Variants in WWOX observed in about 807,000 individuals in gnomAD.
WWOX encodes the protein WW domain-containing oxidoreductase.
In WWOX, 69 loss-of-function variants were observed where a neutral mutation model predicts 46.2. That is an observed-to-expected ratio of 1.49 (90% CI 1.23 to 1.82). The LOEUF (loss-of-function observed/expected upper bound fraction) is 1.82, where lower values mean the gene tolerates loss of function less well. Ranked by LOEUF, WWOX falls within the 40% of genes most tolerant of loss-of-function variation. The probability of loss-of-function intolerance (pLI) is 0.00; values close to 1 mark genes in which losing one functional copy is unlikely to be tolerated. For missense variants in WWOX, 919 were observed against 542.6 expected (o/e 1.69, Z -6.89); for synonymous variants, 359 against 202.6 (o/e 1.77, Z -6.56).
chr16:79,211,514 G>A (rs1461480922), intron 8 of WWOX, 94 bp from the exon 9 acceptor site: 2 of 1,523,172 alleles, frequency 1.3e-6, no homozygotes, highest in Non-Finnish European at 1.8e-6. Context: ...GAACCAGGTG[G>A]GGGAGGCCTG....
At chr16:78,438,659 G>A (rs2083382791) in intron 8 of WWOX, among the ~76,000 whole-genome samples, 1 of 152,128 alleles carries the variant, frequency 6.6e-6, no homozygotes, top group Non-Finnish European at 1.5e-5. Flanking sequence ...GGTAGCAAGA[G>A]CTTAGCAGAT....
intron 8 of WWOX, among the ~76,000 whole-genome samples, chr16:78,665,955 G>T (rs1370203324): frequency 1.3e-5 from 2 of 151,348 alleles, no homozygotes; most frequent in Non-Finnish European, 2.9e-5. Context: ...AAAGCTCTGG[G>T]ATTACAGACG....
At chr16:78,950,693 G>A (rs1255001664) in intron 8 of WWOX, among the ~76,000 whole-genome samples, 1 of 152,144 alleles carries the variant, frequency 6.6e-6, no homozygotes, top group Non-Finnish European at 1.5e-5. Flanking sequence ...CTTTCTGCAA[G>A]CTTCTAAGTA....
chr16:78,437,136 G>C (rs557432936), intron 8 of WWOX, among the ~76,000 whole-genome samples: 6 of 152,328 alleles, frequency 3.9e-5, no homozygotes, highest in East Asian at 3.9e-4. Flanking sequence ...ATACAACCCA[G>C]ACTTGCGCTC....
intron 8 of WWOX, among the ~76,000 whole-genome samples, chr16:78,702,427 G>T (rs2048244267): frequency 6.6e-6 from 1 of 152,028 alleles, no homozygotes; most frequent in Non-Finnish European, 1.5e-5. Flanking sequence ...GAGGTGGGCA[G>T]ATCCCATGAG....
intron 8 of WWOX, among the ~76,000 whole-genome samples, chr16:78,981,375 C>T (rs934978126): frequency 3.3e-5 from 5 of 151,784 alleles, no homozygotes; most frequent in African/African-American, 4.8e-5. Context: ...GGGAGGGACA[C>T]GGACAATGTG....
intron 8 of WWOX, chr16:78,896,641 C>T (rs1249722013): frequency 6.6e-6 from 1 of 152,132 alleles, no homozygotes; most frequent in Admixed American, 6.6e-5. Context: ...TAAACATTTT[C>T]ATAAATAATC....
chr16:78,920,810 A>G (rs1368377975), intron 8 of WWOX, among the ~76,000 whole-genome samples: 1 of 152,214 alleles, frequency 6.6e-6, no homozygotes, highest in African/African-American at 2.4e-5. Flanking sequence ...AATGTTTTCC[A>G]AAAGACCTGG....
intron 8 of WWOX, among the ~76,000 whole-genome samples, chr16:78,449,941 C>G (rs952181575): frequency 2.0e-5 from 3 of 151,452 alleles, no homozygotes; most frequent in Non-Finnish European, 4.4e-5. Flanking sequence ...GCTAGCCAAT[C>G]ATTTCAAAGC....
intron 8 of WWOX, among the ~76,000 whole-genome samples, chr16:78,798,009 C>T (rs1176130618): frequency 5.3e-5 from 8 of 152,062 alleles, no homozygotes; most frequent in Admixed American, 2.0e-4. Context: ...GCAAAGTCTA[C>T]TAAAAATTCA....
chr16:78,885,129 G>A (rs113322764), intron 8 of WWOX, among the ~76,000 whole-genome samples: 4 of 151,840 alleles, frequency 2.6e-5, no homozygotes, highest in African/African-American at 9.7e-5. Context: ...TGTGGAGTGG[G>A]CTAAATGGCC....
intron 8 of WWOX, among the ~76,000 whole-genome samples, chr16:79,159,029 C>T (rs113169482): frequency 1.3e-3 from 204 of 152,320 alleles, no homozygotes; most frequent in African/African-American, 4.7e-3. Context: ...TTTCCTAAAG[C>T]AGCTCTGAAA....
At chr16:78,447,369 G>C (rs1448703782) in intron 8 of WWOX, among the ~76,000 whole-genome samples, 1 of 152,184 alleles carries the variant, frequency 6.6e-6, no homozygotes, top group African/African-American at 2.4e-5. Flanking sequence ...TCATCATGTA[G>C]AATTTCTACA....
At chr16:78,222,413 C>T (rs2036918465) in intron 5 of WWOX, among the ~76,000 whole-genome samples, 2 of 151,306 alleles carry the variant, frequency 1.3e-5, no homozygotes, top group South Asian at 2.1e-4. Flanking sequence ...CCTGTGCCCA[C>T]AGCCTTTCAT....
chr16:78,431,037 G>A (rs980229974), intron 7 of WWOX, among the ~76,000 whole-genome samples: 3 of 152,178 alleles, frequency 2.0e-5, no homozygotes, highest in African/African-American at 7.2e-5. Flanking sequence ...TATAGAAGCA[G>A]AATATGAGGG....
At chr16:79,145,638 C>T (rs1263273456) in intron 8 of WWOX, among the ~76,000 whole-genome samples, 2 of 152,076 alleles carry the variant, frequency 1.3e-5, no homozygotes, top group Non-Finnish European at 2.9e-5. Flanking sequence ...CAAAAAAAGT[C>T]TTAAGTAATG....
intron 8 of WWOX, among the ~76,000 whole-genome samples, chr16:79,001,388 G>A (rs974913249): frequency 5.9e-5 from 9 of 152,104 alleles, no homozygotes; most frequent in African/African-American, 1.9e-4. Context: ...GTGGAGCGAA[G>A]GATTTGTAGC....
chr16:79,203,708 G>T (rs2051418017), intron 8 of WWOX: 1 of 152,170 alleles, frequency 6.6e-6, no homozygotes, highest in South Asian at 2.1e-4. Context: ...ATTCTGTGCA[G>T]AAGAAGGGAA....
Position 78,443,545 on chromosome 16 carries a change from G to A in WWOX, c.1056+10793G>A, listed in dbSNP as rs866729882. Among the ~76,000 whole-genome samples, 6 of 152,162 alleles carry A rather than the reference G, an allele frequency of 3.9e-5. No individual in the cohort carries two copies. In the East Asian group the frequency reaches 1.2e-3, roughly 29 times the overall value. ...TGTGAGGCTGGAGCACCTCATCAAT[G>A]TATTTTTTCTGCCTTGCTTTATAGT... On this transcript the variant is annotated intron_variant, in intron 8 of 8. Transcript: ENST00000566780.
Sources: gnomAD v4.1 joint callset for allele counts (sites outside exome capture counted in the v4.1 genomes callset) on GRCh38, gnomAD v4.1.1 for gene constraint, MANE v1.5 for transcripts, NCBI Gene and HGNC (gene_info 2026-07-23, HGNC 2026-07-21) for gene names.